LTBP2: variants seen among roughly 807,000 people sequenced by gnomAD.
The protein encoded by LTBP2 is latent transforming growth factor beta binding protein 2, also known as latent-transforming growth factor beta-binding protein 2.
In LTBP2, 103 loss-of-function variants were observed where a neutral mutation model predicts 210.6. That is an observed-to-expected ratio of 0.49 (90% CI 0.42 to 0.58). LTBP2 has a LOEUF of 0.58. Among genes scored for constraint, LTBP2 ranks in the 20% least tolerant of loss-of-function variants. The pLI, the probability that LTBP2 is intolerant of heterozygous loss-of-function variation, is 0.00. For synonymous variants in LTBP2, 1,007 were observed against 1,015.0 expected (o/e 0.99, Z 0.15); for missense variants, 2,313 against 2,494.5 (o/e 0.93, Z 1.55).
intron 35 of LTBP2, 24 bp downstream of exon 35, chr14:74,501,417 C>T: frequency 6.2e-7 from 1 of 1,613,970 alleles, no homozygotes; most frequent in South Asian, 1.1e-5. Context: ...CAGCCTGACT[C>T]CTCCATCAGA....
At position 74,503,611 on chromosome 14, in the gene LTBP2, G is replaced by C. The variant is rs1459888076; in HGVS notation, c.4583-5C>G. ...GGTCCTGGCACTCATCGTGATCTGG[G>C]GAGGCAGGAAAGGGTGGGGCATTGC... On this transcript the variant is annotated splice_polypyrimidine_tract_variant and splice_region_variant and intron_variant, in intron 31 of 35. Transcript: ENST00000261978. 1 of 1,613,458 alleles carries C rather than the reference G, an allele frequency of 6.2e-7. No individual in the cohort carries two copies. The highest frequency in any genetic ancestry group is 8.5e-7 in the Non-Finnish European group (1 of 1,179,998).
intron 3 of LTBP2, among the ~76,000 whole-genome samples, chr14:74,560,669 G>A (rs567152008): frequency 1.4e-4 from 22 of 152,292 alleles, no homozygotes; most frequent in African/African-American, 4.8e-4. Context: ...AAAACAGCTG[G>A]CCCATCATAT....
chr14:74,584,895 G>A (rs765506782), intron 3 of LTBP2, among the ~76,000 whole-genome samples: 2 of 152,040 alleles, frequency 1.3e-5, no homozygotes, highest in African/African-American at 4.8e-5. Flanking sequence ...AACCTTTCCT[G>A]CTGGAACCTA....
Position 74,510,148 on chromosome 14 carries a change from A to C in LTBP2, c.3094T>G (p.Phe1032Val). 1 of 1,614,120 alleles carries C rather than the reference A, an allele frequency of 6.2e-7. No homozygotes were observed. Among genetic ancestry groups the C allele is most frequent in the South Asian group, 1.1e-5 (1 of 91,082 alleles). ...HGKCTNLEGS[F>V]RCSCEQGYEV... ...TAGCCCTGCTCACAAGAGCATCTGA[A>C]GGAGCCTTCTAGGTTGGTGCACTTT... Residue 1032 changes from phenylalanine (F) to valine (V), a missense_variant, in exon 20 of 36, where the codon TTC (phenylalanine) becomes GTC (valine). Physicochemically the swap from Phe to Val is conservative, Grantham distance 50. Around this residue, in one of 3 missense-constraint regions of LTBP2, gnomAD observed 1,867 missense variants for 1,976.9 expected, o/e 0.94. Coordinates refer to ENST00000261978, the MANE Select transcript of LTBP2 (RefSeq NM_000428.3).
chr14:74,556,067 C>G (rs1291878698), intron 3 of LTBP2, among the ~76,000 whole-genome samples: 1 of 152,134 alleles, frequency 6.6e-6, no homozygotes, highest in Non-Finnish European at 1.5e-5. Flanking sequence ...CAGCCCCTGC[C>G]CTAAAACCAA....
chr14:74,502,880 C>T lies in LTBP2; in HGVS notation c.4943G>A (p.Gly1648Glu). The T allele has an allele frequency of 4.3e-6, 7 of 1,613,458 alleles. No individual in the cohort carries two copies. The highest frequency in any genetic ancestry group is 1.3e-5 in the African/African-American group (1 of 75,018). ...CTCATAGCCTGGCCGGAAGTGGACC[C>T]CGGCCTCCCGCTCTGCCTCAATGCG... Reference protein sequence around the residue: ...VARIEAEREAGVHFRPGYEYG... With the variant: ...VARIEAEREAEVHFRPGYEYG... The change falls in exon 34 of 36, where the codon GGG (glycine) becomes GAG (glutamate). Residue 1648 changes from glycine to glutamate, a missense_variant. By Grantham distance (98) the Gly-to-Glu change is moderately conservative (BLOSUM62 -2). Transcript: ENST00000261978.
At chr14:74,565,719 G>GTAGA (rs1461715189) in intron 3 of LTBP2, among the ~76,000 whole-genome samples, 1 of 152,168 alleles carries the variant, frequency 6.6e-6, no homozygotes, top group Non-Finnish European at 1.5e-5. Context: ...GGTTGTAAGA[G>GTAGA]TAGAGGTGGT....
chr14:74,595,466 A>C (rs2088347266), intron 2 of LTBP2, among the ~76,000 whole-genome samples: 1 of 152,202 alleles, frequency 6.6e-6, no homozygotes, highest in Non-Finnish European at 1.5e-5. Context: ...AGGAAGCCTC[A>C]GTGCCAGAGG....
chr14:74,539,391 T>C (rs1443716137), intron 8 of LTBP2, among the ~76,000 whole-genome samples: 2 of 152,028 alleles, frequency 1.3e-5, no homozygotes, highest in African/African-American at 4.8e-5. Flanking sequence ...GCCGGAAAGG[T>C]ATCAACTCTC....
At chr14:74,568,488 G>A (rs1423667191) in intron 3 of LTBP2, among the ~76,000 whole-genome samples, 1 of 152,032 alleles carries the variant, frequency 6.6e-6, no homozygotes, top group Non-Finnish European at 1.5e-5. Context: ...GACATATTCA[G>A]GAATGTGCTG....
At chr14:74,551,793 C>T (rs1313190585) in intron 6 of LTBP2, among the ~76,000 whole-genome samples, 2 of 152,218 alleles carry the variant, frequency 1.3e-5, no homozygotes, top group African/African-American at 4.8e-5. Flanking sequence ...ATCCCCTGAT[C>T]CCCTAAAGCA....
chr14:74,578,010 C>A (rs1052848925), intron 3 of LTBP2, among the ~76,000 whole-genome samples: 1 of 151,916 alleles, frequency 6.6e-6, no homozygotes, highest in East Asian at 1.9e-4. Flanking sequence ...GGCCACGTAG[C>A]CCAAAGGAAC....
chr14:74,509,965 T>A (rs541216022), intron 20 of LTBP2, 106 bp from the exon 21 acceptor site: 2 of 1,610,010 alleles, frequency 1.2e-6, no homozygotes, highest in East Asian at 4.5e-5. Flanking sequence ...CAGGGATGTG[T>A]TGGGTCAGTG....
In LTBP2 at chr14:74,526,129, G is replaced by A. The variant is rs1595253761; in HGVS notation, c.2389-15C>T. 6.3e-7 allele frequency: 1 copy of A among 1,594,740 alleles called. No individual in the cohort carries two copies. Among genetic ancestry groups the A allele is most frequent in the Non-Finnish European group, 8.5e-7 (1 of 1,169,850 alleles). ...CTGGTCGTGACCTGCACAGAAACAG[G>A]AGAAGGTCACTTTTGGCTCCTCTGC... On this transcript the variant is annotated splice_polypyrimidine_tract_variant and intron_variant, in intron 13 of 35. Coordinates refer to ENST00000261978, the MANE Select transcript of LTBP2 (RefSeq NM_000428.3).
Position 74,585,885 on chromosome 14 carries a change from A to G in LTBP2, c.799T>C (p.Ser267Pro). 1 of 1,613,692 alleles carries G rather than the reference A, an allele frequency of 6.2e-7. No individual in the cohort carries two copies. The highest frequency in any genetic ancestry group is 8.5e-7 in the Non-Finnish European group (1 of 1,179,736). ...LARAQPPAPQ[S>P]PPAPQSPPAG... ...GGTGGCGACTGTGGTGCGGGCGGCG[A>G]CTGTGGTGCTGGCGGCTGTGCTCTG... Residue 267 changes from serine to proline, a missense_variant, in exon 3 of 36, where the codon TCG (serine) becomes CCG (proline). Physicochemically the swap from Ser to Pro is moderately conservative, Grantham distance 74 (BLOSUM62 -1). This residue lies in a region of LTBP2 where 1,867 missense variants were observed against 1,976.9 expected (regional missense o/e 0.94). Transcript: ENST00000261978.
intron 15 of LTBP2, 98 bp from the exon 16 acceptor site, chr14:74,523,016 C>A (rs905771818): frequency 1.4e-6 from 2 of 1,441,906 alleles, no homozygotes; most frequent in Admixed American, 2.0e-5. Flanking sequence ...GGTCTAGGGG[C>A]CTCAGAAGGC....
At chr14:74,601,547 T>C (rs1378050323) in intron 2 of LTBP2, among the ~76,000 whole-genome samples, 1 of 152,194 alleles carries the variant, frequency 6.6e-6, no homozygotes, top group East Asian at 1.9e-4. Flanking sequence ...TTGTTTGTTT[T>C]TGAGTTTTTG....
At chr14:74,538,453 CCA>C (rs1022001812) in intron 8 of LTBP2, among the ~76,000 whole-genome samples, 3 of 152,012 alleles carry the variant, frequency 2.0e-5, no homozygotes, top group African/African-American at 7.3e-5. Flanking sequence ...CATTTTGCAT[CCA>C]CAGTTTCTTT....
rs761055280 is a variant in LTBP2, at chr14:74,506,800, T to G, written c.3931A>C (p.Thr1311Pro). The G allele has an allele frequency of 5.9e-5, 96 of 1,613,886 alleles. No homozygotes were observed. The highest frequency in any genetic ancestry group is 7.4e-5 in the Non-Finnish European group (87 of 1,180,022). ...CIDIDECAND[T>P]MCGSHGFCDN... ...CAGAAGCCGTGGCTGCCACACATGG[T>G]GTCGTTGGCGCACTCGTCTATGTCT... Residue 1311 changes from threonine (T) to proline (P), a missense_variant, in exon 27 of 36, where the codon ACC (threonine) becomes CCC (proline). Transcript: ENST00000261978.
Sources: gnomAD v4.1 joint callset for allele counts (sites outside exome capture counted in the v4.1 genomes callset) on GRCh38, gnomAD v4.1.1 for gene constraint, gnomAD v4.1.1 regional missense constraint, MANE v1.5 for transcripts, NCBI Gene and HGNC (gene_info 2026-07-23, HGNC 2026-07-21) for gene names.